Variants in SAMMSON observed in about 807,000 individuals in gnomAD.
SAMMSON encodes the protein long intergenic non-protein coding RNA 1212.
At chr3:70,316,425 C>G (rs556438044) in intron 7 of SAMMSON, among the ~76,000 whole-genome samples, 105 of 152,188 alleles carry the variant, frequency 6.9e-4, no homozygotes, top group Non-Finnish European at 1.2e-3. Context: ...TTATAGAGCT[C>G]TCTGAAAGAT....
At chr3:70,336,895 T>G (rs1048297857) in intron 7 of SAMMSON, among the ~76,000 whole-genome samples, 1 of 147,568 alleles carries the variant, frequency 6.8e-6, no homozygotes, top group African/African-American at 2.5e-5. Context: ...CACTGAAGAA[T>G]AGAGCTCCTA....
chr3:70,038,667 G>A lies in SAMMSON; in HGVS notation n.417+24995G>A, dbSNP rs1364101168. Among the ~76,000 whole-genome samples the A allele has an allele frequency of 2.6e-5, 4 of 152,250 alleles. No homozygotes were observed. The East Asian group carries it at 5.8e-4, about 22-fold the overall frequency. ...TGTAAATACAGTTTCAGTAAATGCT[G>A]TAAAATTGTGATGGAAATTTTGAAG... is the stretch of plus-strand genomic sequence containing the variant. On this transcript the variant is annotated intron_variant and non_coding_transcript_variant, in intron 3 of 9. Coordinates refer to ENST00000642114, the Ensembl canonical transcript of SAMMSON.
At chr3:70,220,739 T>C (rs1403071) in intron 4 of SAMMSON, among the ~76,000 whole-genome samples, 49,483 of 152,116 alleles carry the variant, frequency 0.33, 10,462 homozygotes, top group Non-Finnish European at 0.46. Context: ...AGTGAAAATA[T>C]GGGGATGAAT....
At chr3:70,211,220 C>G (rs185738897) in intron 4 of SAMMSON, among the ~76,000 whole-genome samples, 350 of 151,414 alleles carry the variant, frequency 2.3e-3, no homozygotes, top group African/African-American at 8.0e-3. Context: ...CCTTTCACTT[C>G]CTTTCCTTTC....
At chr3:70,020,521 C>T (rs1342758751) in intron 3 of SAMMSON, among the ~76,000 whole-genome samples, 1 of 152,206 alleles carries the variant, frequency 6.6e-6, no homozygotes, top group Admixed American at 6.5e-5. Context: ...TGCAGGCAAA[C>T]TTGTCAAAGA....
At chr3:70,233,098 A>G (rs1701576347) in intron 4 of SAMMSON, among the ~76,000 whole-genome samples, 1 of 152,212 alleles carries the variant, frequency 6.6e-6, no homozygotes, top group Admixed American at 6.5e-5. Flanking sequence ...CTGAGGCACA[A>G]GAATCGCTTA....
At chr3:70,282,928 T>G (rs186540497) in intron 6 of SAMMSON, among the ~76,000 whole-genome samples, 1 of 152,110 alleles carries the variant, frequency 6.6e-6, no homozygotes. Flanking sequence ...AAAGGGGTAA[T>G]AAAAGATGAC....
At chr3:70,004,155 A>C (rs1025475956) in intron 1 of SAMMSON, among the ~76,000 whole-genome samples, 9 of 152,284 alleles carry the variant, frequency 5.9e-5, no homozygotes, top group African/African-American at 2.2e-4. Flanking sequence ...CACAGACACA[A>C]GACACCTGTC....
At chr3:70,037,825 A>C (rs368159876) in intron 3 of SAMMSON, among the ~76,000 whole-genome samples, 1 of 152,198 alleles carries the variant, frequency 6.6e-6, no homozygotes, top group Non-Finnish European at 1.5e-5. Context: ...CTAAGGTGAC[A>C]TGAAAACTAT....
chr3:70,045,022 T>G (rs1218873057), intron 3 of SAMMSON, among the ~76,000 whole-genome samples: 39 of 127,514 alleles, frequency 3.1e-4, no homozygotes, highest in African/African-American at 1.2e-3. Context: ...ATATAATTAA[T>G]TATAATATAT....
intron 4 of SAMMSON, among the ~76,000 whole-genome samples, chr3:70,167,957 G>A (rs1215975065): frequency 2.0e-5 from 3 of 151,988 alleles, no homozygotes; most frequent in African/African-American, 7.2e-5. Context: ...TGGAAAAGGC[G>A]ACGGTTTTGA....
At chr3:70,339,193 A>G (rs1247104069) in intron 7 of SAMMSON, among the ~76,000 whole-genome samples, 1 of 152,226 alleles carries the variant, frequency 6.6e-6, no homozygotes. Context: ...AAAACTGGCT[A>G]GCCATATGTA....
At chr3:70,270,427 C>A (rs755598207) in intron 6 of SAMMSON, among the ~76,000 whole-genome samples, 3 of 152,236 alleles carry the variant, frequency 2.0e-5, no homozygotes, top group East Asian at 1.9e-4. Context: ...AATACAAGAT[C>A]TGTTTAAGCA....
chr3:70,246,098 T>TAA (rs1014599330), intron 4 of SAMMSON, among the ~76,000 whole-genome samples: 1 of 150,318 alleles, frequency 6.7e-6, no homozygotes, highest in African/African-American at 2.4e-5. Context: ...CTACACACCA[T>TAA]AAAAAAAAAC....
At chr3:70,007,865 G>A (rs1024390565) in intron 1 of SAMMSON, among the ~76,000 whole-genome samples, 1 of 152,050 alleles carries the variant, frequency 6.6e-6, no homozygotes, top group African/African-American at 2.4e-5. Context: ...TTCTACATAT[G>A]GCTAGCCAGT....
At chr3:70,049,945 C>T (rs1443696392) in intron 3 of SAMMSON, among the ~76,000 whole-genome samples, 1 of 152,002 alleles carries the variant, frequency 6.6e-6, no homozygotes, top group Non-Finnish European at 1.5e-5. Context: ...AGCCAGCTGC[C>T]CCATTCACAT....
rs532169308 is a variant in SAMMSON at position 70,360,775 on chromosome 3, A to G, written n.913+2451A>G. Among the ~76,000 whole-genome samples the G allele has an allele frequency of 3.3e-5, 5 of 152,298 alleles. No homozygotes were observed. In the East Asian group the frequency reaches 9.7e-4, roughly 29 times the overall value. ...AAATGGAAAAAAATTCATATTTTGG[A>G]AAAGTTTGTATGTGCTAAGCTTTTT... is the stretch of plus-strand genomic sequence containing the variant. On this transcript the variant is annotated intron_variant and non_coding_transcript_variant, in intron 9 of 9. Coordinates refer to ENST00000642114, the Ensembl canonical transcript of SAMMSON.
chr3:70,111,703 A>T (rs1430059049), intron 4 of SAMMSON, among the ~76,000 whole-genome samples: 1 of 152,202 alleles, frequency 6.6e-6, no homozygotes, highest in African/African-American at 2.4e-5. Context: ...GGCTTCATAA[A>T]TGAGGAAAGA....
intron 4 of SAMMSON, among the ~76,000 whole-genome samples, chr3:70,133,829 A>G (rs1255930559): frequency 2.0e-5 from 3 of 152,188 alleles, no homozygotes; most frequent in Non-Finnish European, 4.4e-5. Context: ...TATGATCCAC[A>G]TGTTAATTAA....
Sources: gnomAD v4.1 joint callset for allele counts (sites outside exome capture counted in the v4.1 genomes callset) on GRCh38, gnomAD v4.1.1 for gene constraint, MANE v1.5 for transcripts, NCBI Gene and HGNC (gene_info 2026-07-23, HGNC 2026-07-21) for gene names.